SGCD: variants seen among roughly 807,000 people sequenced by gnomAD.
SGCD encodes the protein delta-sarcoglycan.
SGCD carries 18 observed loss-of-function variants against 36.6 expected under a neutral mutation model. The ratio of observed to expected loss-of-function variants is 0.49; its 90% CI spans 0.34 to 0.73. The LOEUF (loss-of-function observed/expected upper bound fraction) is 0.73. Ranked by LOEUF, SGCD falls within the 30% of genes least tolerant of loss-of-function variation. SGCD has a pLI of 0.01. For missense variants in SGCD, 387 were observed against 346.7 expected, an observed-to-expected ratio of 1.12 and a Z score of -0.92; for synonymous variants, 133 against 130.6, an observed-to-expected ratio of 1.02 and a Z score of -0.12.
intron 3 of SGCD, among the ~76,000 whole-genome samples, chr5:156,503,270 A>G (rs1354897819): frequency 1.3e-5 from 2 of 152,290 alleles, no homozygotes; most frequent in South Asian, 2.1e-4. Flanking sequence ...GTAACTCGTC[A>G]TGGCACACAG....
intron 3 of SGCD, among the ~76,000 whole-genome samples, chr5:156,148,410 C>T (rs1479825248): frequency 6.6e-6 from 1 of 152,112 alleles, no homozygotes; most frequent in Admixed American, 6.6e-5. Context: ...GTCCTGGCAG[C>T]TGTTTGGCAT....
At chr5:156,491,235 G>A (rs1227673643) in intron 3 of SGCD, among the ~76,000 whole-genome samples, 1 of 152,080 alleles carries the variant, frequency 6.6e-6, no homozygotes, top group Non-Finnish European at 1.5e-5. Context: ...TCATAGATAG[G>A]AAGAATTAAT....
intron 4 of SGCD, among the ~76,000 whole-genome samples, chr5:156,584,179 T>G (rs567156635): frequency 2.4e-4 from 37 of 152,344 alleles, no homozygotes; most frequent in African/African-American, 8.2e-4. Context: ...TCTCTGTCCC[T>G]TAAGTATATA....
At chr5:156,340,029 G>A (rs1241983462) in intron 2 of SGCD, among the ~76,000 whole-genome samples, 1 of 152,108 alleles carries the variant, frequency 6.6e-6, no homozygotes, top group African/African-American at 2.4e-5. Flanking sequence ...AATATTGATG[G>A]TTGTAATGTA....
At chr5:156,373,062 A>G (rs1172147228) in intron 3 of SGCD, among the ~76,000 whole-genome samples, 7 of 152,138 alleles carry the variant, frequency 4.6e-5, no homozygotes, top group Admixed American at 1.3e-4. Flanking sequence ...ATTCTTGATC[A>G]TCAGAGGTAT....
intron 3 of SGCD, among the ~76,000 whole-genome samples, chr5:156,384,409 T>C (rs1053389221): frequency 6.6e-6 from 1 of 152,318 alleles, no homozygotes; most frequent in Middle Eastern, 3.4e-3. Flanking sequence ...TCAAAGCCTT[T>C]CTTGTTCTGT....
At chr5:156,079,018 TAAAA>T (rs575699645) in intron 1 of SGCD, among the ~76,000 whole-genome samples, 2 of 102,496 alleles carry the variant, frequency 2.0e-5, no homozygotes, top group East Asian at 2.3e-4. Flanking sequence ...GGGTAATTTG[TAAAA>T]AAAAAAAAAA....
At chr5:156,288,885 T>C (rs1482635556) in intron 3 of SGCD, among the ~76,000 whole-genome samples, 1 of 152,184 alleles carries the variant, frequency 6.6e-6, no homozygotes, top group Non-Finnish European at 1.5e-5. Flanking sequence ...TTAAGTGACA[T>C]GTCCATTTTT....
chr5:156,422,729 C>T (rs1256676294), intron 3 of SGCD, among the ~76,000 whole-genome samples: 1 of 151,990 alleles, frequency 6.6e-6, no homozygotes, highest in Non-Finnish European at 1.5e-5. Flanking sequence ...AGGTGCTTAT[C>T]AACATCTGTA....
chr5:156,117,524 A>G (rs1761932767), intron 1 of SGCD, among the ~76,000 whole-genome samples: 1 of 152,182 alleles, frequency 6.6e-6, no homozygotes, highest in Non-Finnish European at 1.5e-5. Flanking sequence ...TTACTAAAGC[A>G]AAAATTAAAT....
At chr5:156,310,579 A>G (rs1168282026) in intron 3 of SGCD, among the ~76,000 whole-genome samples, 1 of 152,220 alleles carries the variant, frequency 6.6e-6, no homozygotes, top group Non-Finnish European at 1.5e-5. Flanking sequence ...GCAAGCCTTT[A>G]GTAGACTCCA....
chr5:155,975,291 C>T (rs1429465015), intron 1 of SGCD, among the ~76,000 whole-genome samples: 1 of 152,108 alleles, frequency 6.6e-6, no homozygotes, highest in East Asian at 1.9e-4. Flanking sequence ...AAATAACTTG[C>T]CTAACACAAT....
At chr5:155,943,335 A>G (rs1757371535) in intron 1 of SGCD, among the ~76,000 whole-genome samples, 1 of 151,234 alleles carries the variant, frequency 6.6e-6, no homozygotes, top group African/African-American at 2.5e-5. Flanking sequence ...TCCTATATTC[A>G]TATGTGGAAT....
At chr5:156,723,929 T>C (rs1039291616) in intron 7 of SGCD, among the ~76,000 whole-genome samples, 4 of 152,068 alleles carry the variant, frequency 2.6e-5, no homozygotes, top group African/African-American at 9.7e-5. Flanking sequence ...AGATCACTCT[T>C]TCTGCAATGT....
chr5:156,266,393 G>A (rs1244552729), intron 3 of SGCD, among the ~76,000 whole-genome samples: 1 of 152,184 alleles, frequency 6.6e-6, no homozygotes, highest in Non-Finnish European at 1.5e-5. Flanking sequence ...CTGTAGCTGT[G>A]CAATCTAATA....
chr5:156,164,897 G>T (rs1016890136), intron 3 of SGCD, among the ~76,000 whole-genome samples: 1 of 152,106 alleles, frequency 6.6e-6, no homozygotes. Flanking sequence ...TAAATAATTG[G>T]GAAAGATTGC....
chr5:156,327,867 T>A lies in SGCD; in HGVS notation c.-44+635T>A, dbSNP rs531234024. Among the ~76,000 whole-genome samples the A allele has an allele frequency of 1.3e-5, 2 of 152,350 alleles. 1 individual carries two copies. The highest frequency in any genetic ancestry group is 4.1e-4 in the South Asian group (2 of 4,826). ...TGCTGGATCAACATTTGTAATTCTG[T>A]TTCTATAATCATTTCCAATTTTCTC... On this transcript the variant is annotated intron_variant, in intron 1 of 8. Coordinates refer to ENST00000337851, the MANE Select transcript of SGCD (RefSeq NM_000337.6).
the SGCD span, among the ~76,000 whole-genome samples, chr5:155,860,381 T>C: frequency 6.6e-6 from 1 of 152,236 alleles, no homozygotes; most frequent in South Asian, 2.1e-4. Flanking sequence ...AAAGGTTGCA[T>C]CTTGTTTTTA....
intron 3 of SGCD, among the ~76,000 whole-genome samples, chr5:156,185,355 C>G (rs1290798433): frequency 2.0e-5 from 3 of 151,708 alleles, no homozygotes; most frequent in Non-Finnish European, 2.9e-5. Flanking sequence ...GCTGGGACTA[C>G]AGGCGCCCGC....
Sources: allele counts gnomAD v4.1 joint callset (sites outside exome capture counted in the v4.1 genomes callset), GRCh38; gene constraint gnomAD v4.1.1; transcripts MANE v1.5; gene names NCBI Gene and HGNC (gene_info 2026-07-23, HGNC 2026-07-21).